The following NUP160 variants were observed in gnomAD, a reference collection of about 807,000 sequenced individuals.
NUP160 encodes nucleoporin 160, also known as nuclear pore complex protein Nup160.
Under a neutral mutation model 196.9 loss-of-function variants are expected in NUP160, and 94 were observed. That is an observed-to-expected ratio of 0.48 (90% confidence interval 0.40 to 0.57). The LOEUF (loss-of-function observed/expected upper bound fraction) is 0.57. Ranked by LOEUF, NUP160 falls within the 20% of genes least tolerant of loss-of-function variation. The probability of loss-of-function intolerance (pLI) is 0.00; values close to 1 mark genes in which losing one functional copy is unlikely to be tolerated. For missense variants in NUP160, 1,638 were observed against 1,748.3 expected (o/e 0.94, Z 1.13); for synonymous variants, 605 against 619.7 (o/e 0.98, Z 0.35).
At chr11:47,791,624 A>C (rs968780497) in intron 29 of NUP160, among the ~76,000 whole-genome samples, 5 of 152,142 alleles carry the variant, frequency 3.3e-5, no homozygotes, top group Admixed American at 3.3e-4. Context: ...TACAGGTGTG[A>C]GCCACCACAC....
At chr11:47,836,509 G>A (rs1451550382) in intron 6 of NUP160, among the ~76,000 whole-genome samples, 1 of 152,028 alleles carries the variant, frequency 6.6e-6, no homozygotes, top group Non-Finnish European at 1.5e-5. Context: ...AGCTATTTGA[G>A]CAGCTGAGGT....
In NUP160 at chr11:47,798,987, C is replaced by T. The variant is rs149763513; in HGVS notation, c.2896-524G>A. Among the ~76,000 whole-genome samples, 364 of 145,044 alleles carry T rather than the reference C, an allele frequency of 2.5e-3. 1 individual carries two copies. Among genetic ancestry groups the T allele is most frequent in the Middle Eastern group, 0.015 (4 of 268 alleles). ...AGCTTGTTGAATGAAAGAATAAATA[C>T]GATTTCACTACTAACTGTTCAAGTC... On this transcript the variant is annotated intron_variant, in intron 23 of 35. Coordinates refer to ENST00000378460, the Ensembl canonical transcript of NUP160.
chr11:47,780,159 T>A (rs2097659835), intron 35 of NUP160, among the ~76,000 whole-genome samples, 184 bp downstream of exon 35: 1 of 152,234 alleles, frequency 6.6e-6, no homozygotes, highest in South Asian at 2.1e-4. Context: ...TTCCTCATTA[T>A]GTTTTCTTGA....
chr11:47,814,701 G>A (rs1222191309), intron 13 of NUP160, among the ~76,000 whole-genome samples: 2 of 151,912 alleles, frequency 1.3e-5, no homozygotes, highest in African/African-American at 4.8e-5. Context: ...TTTTTAAATT[G>A]GGCTGTGGTT....
At position 47,803,299 on chromosome 11, in the gene NUP160, CT is replaced by C. The variant is rs2097675465; in HGVS notation, c.2775+138del. On this transcript the variant is annotated intron_variant, in intron 22 of 35. Transcript: ENST00000378460. ...CCTTACATGTATATAATGCCTTTGA[CT>C]GGCATTAGTACAGTCTTCTTTAACT... 1.2e-5 allele frequency: 7 copies of C among 593,498 alleles called. No homozygotes were observed. The South Asian group carries it at 1.6e-4, about 14-fold the overall frequency. The allele number at this position is 593,498 out of a possible 1,614,324, so 36.8% of individuals were successfully genotyped here. A position where few individuals can be genotyped will look rare whatever the true frequency, so the allele number is the denominator to read the frequency against.
chr11:47,816,632 C>T (rs191709680), intron 11 of NUP160, among the ~76,000 whole-genome samples: 2 of 152,048 alleles, frequency 1.3e-5, no homozygotes, highest in East Asian at 1.9e-4. Context: ...AAAAATTAGC[C>T]GGGTGTGGTG....
chr11:47,835,804 T>G (rs1464363359), exon 7 of NUP160: 1 of 1,579,692 alleles, frequency 6.3e-7, no homozygotes, highest in Admixed American at 1.8e-5. Flanking sequence ...TTAGGCACAT[T>G]TGCTCCTGTC....
chr11:47,783,014 A>G, intron 34 of NUP160, 59 bp downstream of exon 34: 1 of 1,441,462 alleles, frequency 6.9e-7, no homozygotes. Context: ...AAACCACTGT[A>G]AAGTTGAAAA....
At chr11:47,798,297 G>T in intron 24 of NUP160, 35 bp from the exon 25 acceptor site, 2 of 1,552,130 alleles carry the variant, frequency 1.3e-6, no homozygotes, top group Non-Finnish European at 1.8e-6. Flanking sequence ...ATCAAAAAGA[G>T]CAATAGAAAT....
At chr11:47,796,161 A>G in intron 27 of NUP160, 1 of 312,530 alleles carries the variant, frequency 3.2e-6, no homozygotes, top group Non-Finnish European at 5.9e-6. Flanking sequence ...CTAAAAAAAA[A>G]AAAAAAAAAA....
At chr11:47,819,564 A>T (rs1851815497) in intron 9 of NUP160, 106 bp from the exon 10 acceptor site, 1 of 618,836 alleles carries the variant, frequency 1.6e-6, no homozygotes, top group African/African-American at 1.9e-5. Context: ...GGAACCCGGC[A>T]ATGACTGCTT....
chr11:47,835,867 T>A, intron 6 of NUP160, 58 bp from the exon 7 acceptor site: 1 of 1,344,974 alleles, frequency 7.4e-7, no homozygotes, highest in Non-Finnish European at 1.0e-6. Flanking sequence ...TAGAAGAACA[T>A]ACCTTTTGAA....
At chr11:47,821,050 T>C (rs1386089840) in intron 9 of NUP160, among the ~76,000 whole-genome samples, 2 of 152,022 alleles carry the variant, frequency 1.3e-5, no homozygotes, top group African/African-American at 2.4e-5. Flanking sequence ...GATGAGAAAA[T>C]TGAAAACACA....
At chr11:47,815,169 G>C (rs2097683638) in intron 13 of NUP160, 1 of 167,886 alleles carries the variant, frequency 6.0e-6, no homozygotes, top group African/African-American at 2.4e-5. Flanking sequence ...AGTGAGCTGA[G>C]ATCACACCAC....
At chr11:47,810,321 C>T (rs1174997529) in intron 17 of NUP160, among the ~76,000 whole-genome samples, 2 of 151,958 alleles carry the variant, frequency 1.3e-5, no homozygotes, top group African/African-American at 2.4e-5. Context: ...TCTCAGCCTC[C>T]CAAGTAGCAA....
At position 47,792,966 on chromosome 11, in the gene NUP160, T is replaced by TA. The variant is rs757464508; in HGVS notation, c.3290-21dup. 39 of 1,594,274 alleles carry TA rather than the reference T, an allele frequency of 2.4e-5. No individual in the cohort carries two copies. The highest frequency in any genetic ancestry group is 3.7e-5 in the Admixed American group (2 of 54,162). ...TGCCAGCTATGAGGAGATAATAAAT[T>TA]AGACTTTAGAACTTCCAAATTTTTT... On this transcript the variant is annotated intron_variant, in intron 27 of 35. Coordinates refer to ENST00000378460, the Ensembl canonical transcript of NUP160.
intron 9 of NUP160, among the ~76,000 whole-genome samples, chr11:47,820,776 T>C (rs1851841223): frequency 6.6e-6 from 1 of 152,092 alleles, no homozygotes; most frequent in African/African-American, 2.4e-5. Flanking sequence ...GGTCTCAAAC[T>C]TCCAACCTTG....
Position 47,794,827 on chromosome 11 carries a change from G to A in NUP160, c.3290-1881C>T, listed in dbSNP as rs374496969. On this transcript the variant is annotated intron_variant, in intron 27 of 35. Transcript: ENST00000378460. ...CTCAGGAGTCTGAGGCAGGAGAATC[G>A]CTTGAACCTGGGAAGGCGGAGGTTG... 9.2e-5 allele frequency among the ~76,000 whole-genome samples: 14 copies of A among 152,032 alleles called. No homozygotes were observed. In the East Asian group the frequency reaches 1.6e-3, roughly 17 times the overall value.
chr11:47,817,342 CTTTT>C (rs904451058), intron 11 of NUP160, among the ~76,000 whole-genome samples: 3 of 132,434 alleles, frequency 2.3e-5, no homozygotes, highest in African/African-American at 5.5e-5. Flanking sequence ...AAGCCAAAAA[CTTTT>C]TTTTTTTTTT....
Sources: gnomAD v4.1 joint callset for allele counts (sites outside exome capture counted in the v4.1 genomes callset) on GRCh38, gnomAD v4.1.1 for gene constraint, MANE v1.5 for transcripts, NCBI Gene and HGNC (gene_info 2026-07-23, HGNC 2026-07-21) for gene names.